The following MUC12 variants were observed in gnomAD, a reference collection of about 807,000 sequenced individuals.
MUC12 encodes the protein mucin-12.
Under a neutral mutation model 230.8 loss-of-function variants are expected in MUC12, and 172 were observed. That is an observed-to-expected ratio of 0.75 (90% CI 0.66 to 0.85). The LOEUF is 0.85. Among genes scored for constraint, MUC12 ranks in the 40% least tolerant of loss-of-function variants. The probability of loss-of-function intolerance (pLI) is 0.00; values close to 1 mark genes in which losing one functional copy is unlikely to be tolerated. For missense variants in MUC12, 3,506 were observed against 5,920.6 expected, an observed-to-expected ratio of 0.59 and a Z score of 13.38; for synonymous variants, 1,259 against 2,401.9, an observed-to-expected ratio of 0.52 and a Z score of 13.91.
intron 10 of MUC12, among the ~76,000 whole-genome samples, chr7:101,016,464 C>T (rs1296349616): frequency 6.6e-6 from 1 of 152,062 alleles, no homozygotes; most frequent in African/African-American, 2.4e-5. Flanking sequence ...TGCCACCACG[C>T]GTGGCTAATT....
Position 100,991,801 on chromosome 7 carries a change from A to T in MUC12, c.1238A>T (p.His413Leu). The change falls in exon 2 of 12, where the codon CAC (histidine) becomes CTC (leucine). Residue 413 changes from histidine to leucine, a missense_variant. By Grantham distance (99) the His-to-Leu change is moderately conservative (BLOSUM62 -3). Transcript: ENST00000536621. ...TTAALAHTSY[H>L]SSLGSTETTH... ...GCTGCCCTAGCACATACAAGCTACC[A>T]CAGCAGCCTGGGCTCAACTGAAACA... The T allele has an allele frequency of 6.5e-7, 1 of 1,537,970 alleles. No individual in the cohort carries two copies. The highest frequency in any genetic ancestry group is 1.2e-5 in the South Asian group (1 of 84,062).
Position 101,015,548 on chromosome 7 carries a change from G to A in MUC12, c.15801-67G>A, listed in dbSNP as rs576793968. 8 of 1,386,634 alleles carry A rather than the reference G, an allele frequency of 5.8e-6. No homozygotes were observed. In the East Asian group the frequency reaches 1.7e-4, roughly 30 times the overall value. 85.9% of individuals were successfully genotyped at this position (1,386,634 alleles called of 1,614,324 possible). A position where few individuals can be genotyped will look rare whatever the true frequency, so the allele number is the denominator to read the frequency against. The stretch of plus-strand genomic sequence containing the variant: ...ACTGTCCCCTCGAGGGAAGCTGAAG[G>A]TCAGGGTCCACCAAGTCCCTCCTCA... On this transcript the variant is annotated intron_variant, in intron 9 of 11. Transcript: ENST00000536621.
At chr7:100,971,259 CTG>C (rs1406574393) in intron 1 of MUC12, among the ~76,000 whole-genome samples, 1 of 152,278 alleles carries the variant, frequency 6.6e-6, no homozygotes, top group Non-Finnish European at 1.5e-5. Flanking sequence ...CTGGTCGTGG[CTG>C]TGTCTGAGAG....
rs1793266790 is a variant in MUC12 at position 100,990,687 on chromosome 7, T to A, written c.124T>A (p.Ser42Thr). The A allele has an allele frequency of 1.3e-6, 2 of 1,537,774 alleles. No individual in the cohort carries two copies. The highest frequency in any genetic ancestry group is 1.2e-5 in the South Asian group (1 of 84,068). Reference sequence around the variant, plus strand: ...TACAACTTCTGCATCCACACCCAGTTCAAGCGACCCTTTTACCACCTTTAG... The same window carrying A: ...TACAACTTCTGCATCCACACCCAGTACAAGCGACCCTTTTACCACCTTTAG... ...GNTTSASTPS[S>T]SDPFTTFSDY... Residue 42 changes from serine (S) to threonine (T), a missense_variant, in exon 2 of 12, where the codon TCA becomes ACA. Transcript: ENST00000536621.
At position 101,018,732 on chromosome 7, in the gene MUC12, G is replaced by T. The variant is rs952349454; in HGVS notation, c.*96G>T. The stretch of plus-strand genomic sequence containing the variant: ...CTCCGGGGCGGGTCAAGAGGAGACC[G>T]AAGTCAGGCCCTGAAGCCGGTCCTG... On this transcript the variant is annotated 3_prime_UTR_variant, in exon 12 of 12. Coordinates refer to ENST00000536621, the MANE Select transcript of MUC12 (RefSeq NM_001164462.2). 1 of 1,284,862 alleles carries T rather than the reference G, an allele frequency of 7.8e-7. No homozygotes were observed. The highest frequency in any genetic ancestry group is 1.1e-6 in the Non-Finnish European group (1 of 950,848). 79.6% of individuals were successfully genotyped at this position (1,284,862 alleles called of 1,614,324 possible).
intron 1 of MUC12, among the ~76,000 whole-genome samples, chr7:100,986,117 TG>T (rs1177844795): frequency 6.6e-6 from 1 of 152,194 alleles, no homozygotes; most frequent in East Asian, 1.9e-4. Flanking sequence ...CCCAGCCCTT[TG>T]GGAGGCCGAG....
chr7:101,010,871 A>C (rs1476652677), intron 5 of MUC12, among the ~76,000 whole-genome samples: 2 of 152,032 alleles, frequency 1.3e-5, no homozygotes, highest in Non-Finnish European at 1.5e-5. Flanking sequence ...GCTGGTCTCA[A>C]ACTCCTGGGT....
intron 3 of MUC12, among the ~76,000 whole-genome samples, chr7:101,008,252 G>A (rs1189937066): frequency 1.3e-5 from 2 of 151,692 alleles, no homozygotes; most frequent in East Asian, 1.9e-4. Flanking sequence ...TCAGCCTTCC[G>A]AGTAGCTGGG....
rs1264880636 is a variant in MUC12, at chr7:100,992,054, C to T, written c.1491C>T (p.Tyr497=). The T allele has an allele frequency of 3.9e-6, 6 of 1,537,844 alleles. No individual in the cohort carries two copies. The highest frequency in any genetic ancestry group is 3.9e-5 in the Admixed American group (2 of 50,992). Residue 497 remains tyrosine (Y), a synonymous_variant, in exon 2 of 12, where the codon TAC becomes TAT. Transcript: ENST00000536621. ...TCAGTGAGAAATCTACCACTTTCTACAGTAGCCCCAGATCACCAGACACAA... is the reference window on the plus strand; with the variant it reads ...TCAGTGAGAAATCTACCACTTTCTATAGTAGCCCCAGATCACCAGACACAA... ...PGLSEKSTTF[Y]SSPRSPDTTH...
In MUC12 at chr7:100,990,670, C is replaced by T; in HGVS notation, c.107C>T (p.Ser36Phe). The T allele has an allele frequency of 6.5e-7, 1 of 1,537,706 alleles. No homozygotes were observed. The highest frequency in any genetic ancestry group is 8.7e-7 in the Non-Finnish European group (1 of 1,146,998). ...VNTSIGGNTT[S>F]ASTPSSSDPF... ...ACCAGTATTGGAGGTAATACAACTTCTGCATCCACACCCAGTTCAAGCGAC... is the reference window on the plus strand; with the variant it reads ...ACCAGTATTGGAGGTAATACAACTTTTGCATCCACACCCAGTTCAAGCGAC... Residue 36 changes from serine to phenylalanine, a missense_variant, in exon 2 of 12, where the codon TCT becomes TTT. By Grantham distance (155) the Ser-to-Phe change is radical. Coordinates refer to ENST00000536621, the MANE Select transcript of MUC12 (RefSeq NM_001164462.2).
chr7:101,017,735 GA>G lies in MUC12; in HGVS notation c.15966+73del, dbSNP rs1793956585. On this transcript the variant is annotated intron_variant, in intron 11 of 11. Transcript: ENST00000536621. The stretch of plus-strand genomic sequence containing the variant: ...CCTCTGGGGTTCCCTCTTCCCCCGG[GA>G]CTCCCTTCTCCCCCTGGGACTCCCT... 6 of 1,114,322 alleles carry G rather than the reference GA, an allele frequency of 5.4e-6. No homozygotes were observed. In the South Asian group the frequency reaches 9.4e-5, roughly 17 times the overall value. The allele number at this position is 1,114,322 out of a possible 1,614,324, so 69.0% of individuals were successfully genotyped here. A position where few individuals can be genotyped will look rare whatever the true frequency, so the allele number is the denominator to read the frequency against.
chr7:101,008,847 GTTC>G (rs772846257), intron 4 of MUC12, 86 bp downstream of exon 4: 33 of 1,456,792 alleles, frequency 2.3e-5, no homozygotes, highest in Non-Finnish European at 2.7e-5. Context: ...AGTGATCTGA[GTTC>G]TTCTGCTCAT....
At chr7:100,972,868 T>G in intron 1 of MUC12, 1 of 626,742 alleles carries the variant, frequency 1.6e-6, no homozygotes, top group Non-Finnish European at 2.9e-6. Context: ...GGGCACATTG[T>G]GGACTGGTGA....
intron 1 of MUC12, among the ~76,000 whole-genome samples, chr7:100,977,929 C>T (rs1202676494): frequency 6.6e-6 from 1 of 152,176 alleles, no homozygotes; most frequent in Non-Finnish European, 1.5e-5. Context: ...TCACTCCGAT[C>T]TCTGCCTCAT....
In MUC12 at chr7:100,991,891, G is replaced by C; in HGVS notation, c.1328G>C (p.Ser443Thr). Residue 443 changes from serine (S) to threonine (T), a missense_variant, in exon 2 of 12, where the codon AGC (serine) becomes ACC (threonine). Transcript: ENST00000536621. ...GAGGAATCAAAAGCATCCCACAGCA[G>C]CCCAGATGCAATGGCAACAACAGTC... ...RSEESKASHS[S>T]PDAMATTVLP... 2 of 1,537,984 alleles carry C rather than the reference G, an allele frequency of 1.3e-6. No homozygotes were observed. Among genetic ancestry groups the C allele is most frequent in the African/African-American group, 2.7e-5 (2 of 73,168 alleles).
chr7:100,977,403 G>A (rs970908268), intron 1 of MUC12, among the ~76,000 whole-genome samples: 2 of 147,118 alleles, frequency 1.4e-5, no homozygotes, highest in Non-Finnish European at 3.0e-5. Context: ...GTGTCTTTCT[G>A]TTGCCCAGGC....
Position 101,018,890 on chromosome 7 carries a change from C to T in MUC12, c.*254C>T. Reference sequence around the variant, plus strand: ...CACCCCTGTCTCCTCCTGGGTGGCTCCCCACTCTGGAATTTCCCTACCAAT... The same window carrying T: ...CACCCCTGTCTCCTCCTGGGTGGCTTCCCACTCTGGAATTTCCCTACCAAT... On this transcript the variant is annotated 3_prime_UTR_variant, in exon 12 of 12. Transcript: ENST00000536621. 2.3e-6 allele frequency: 1 copy of T among 443,456 alleles called. No individual in the cohort carries two copies. The highest frequency in any genetic ancestry group is 3.9e-6 in the Non-Finnish European group (1 of 253,830). 27.5% of individuals were successfully genotyped at this position (443,456 alleles called of 1,614,324 possible). A position where few individuals can be genotyped will look rare whatever the true frequency, so the allele number is the denominator to read the frequency against.
rs1793323881 is a variant in MUC12 at position 100,991,975 on chromosome 7, G to C, written c.1412G>C (p.Ser471Thr). ...LVGDSTPSPI[S>T]SGSMETTALP... ...GGAGACTCGACGCCCTCACCCATCAGTTCAGGCTCAATGGAAACCACAGCG... is the reference window on the plus strand; with the variant it reads ...GGAGACTCGACGCCCTCACCCATCACTTCAGGCTCAATGGAAACCACAGCG... Residue 471 changes from serine to threonine, a missense_variant, in exon 2 of 12, where the codon AGT becomes ACT. Transcript: ENST00000536621. 2 of 1,537,846 alleles carry C rather than the reference G, an allele frequency of 1.3e-6. No homozygotes were observed. The highest frequency in any genetic ancestry group is 1.4e-5 in the African/African-American group (1 of 73,046).
rs899906839 is a variant in MUC12, at chr7:100,969,573, G to C, written c.-50G>C. On this transcript the variant is annotated 5_prime_UTR_variant, in exon 1 of 12. Coordinates refer to ENST00000536621, the MANE Select transcript of MUC12 (RefSeq NM_001164462.2). Reference sequence around the variant, plus strand: ...CTTCCTGGGAGGCCTTCATTTCTTGGTCCCTCCTGATGAGAGAAGATGGGC... The same window carrying C: ...CTTCCTGGGAGGCCTTCATTTCTTGCTCCCTCCTGATGAGAGAAGATGGGC... 1.3e-6 allele frequency: 2 copies of C among 1,537,302 alleles called. No homozygotes were observed. Among genetic ancestry groups the C allele is most frequent in the South Asian group, 1.2e-5 (1 of 84,062 alleles).
Sources: allele counts gnomAD v4.1 joint callset (sites outside exome capture counted in the v4.1 genomes callset), GRCh38; gene constraint gnomAD v4.1.1; transcripts MANE v1.5; gene names NCBI Gene and HGNC (gene_info 2026-07-23, HGNC 2026-07-21).